SLC30A8: variants seen among roughly 807,000 people sequenced by gnomAD.
SLC30A8 encodes the protein solute carrier family 30 member 8, also known as proton-coupled zinc antiporter SLC30A8.
Under a neutral mutation model 36.9 loss-of-function variants are expected in SLC30A8, and 27 were observed. The observed-to-expected ratio is 0.73, with a 90% CI of 0.54 to 1.01. The LOEUF is 1.01. SLC30A8 is among the 50% of genes least tolerant of loss of function. The pLI is 0.00. For missense variants in SLC30A8, 439 were observed against 452.0 expected (o/e 0.97, Z 0.26); for synonymous variants, 164 against 172.4 (o/e 0.95, Z 0.38).
intron 2 of SLC30A8, among the ~76,000 whole-genome samples, chr8:117,126,016 C>T (rs1586556586): frequency 1.3e-5 from 2 of 151,984 alleles, no homozygotes; most frequent in Non-Finnish European, 2.9e-5. Flanking sequence ...CTTCTCCTCT[C>T]TCTAGCTGTG....
intron 2 of SLC30A8, among the ~76,000 whole-genome samples, chr8:117,078,663 G>A (rs187834251): frequency 6.6e-6 from 1 of 152,212 alleles, no homozygotes; most frequent in Admixed American, 6.5e-5. Flanking sequence ...CACATCAAAA[G>A]GTTTAAGTAA....
chr8:117,119,547 CTCT>C (rs748762867), intron 2 of SLC30A8, among the ~76,000 whole-genome samples: 7 of 152,020 alleles, frequency 4.6e-5, no homozygotes, highest in Non-Finnish European at 1.0e-4. Flanking sequence ...CCTTCAGTCA[CTCT>C]TCTTTTGTGC....
chr8:117,134,651 C>T (rs764545734), upstream of SLC30A8, among the ~76,000 whole-genome samples: 137 of 151,958 alleles, frequency 9.0e-4, 1 homozygote, highest in Admixed American at 4.6e-4. Flanking sequence ...CTGTTATTTA[C>T]GTAGAAGCAG....
intron 3 of SLC30A8, 149 bp downstream of exon 3, chr8:117,153,239 ATG>A (rs1476391888): frequency 2.3e-5 from 17 of 730,654 alleles, no homozygotes; most frequent in African/African-American, 3.5e-5. Flanking sequence ...GTATGTGGGA[ATG>A]TGTGTTTTCA....
intron 7 of SLC30A8, among the ~76,000 whole-genome samples, chr8:117,172,122 C>T (rs772989164): frequency 1.3e-5 from 2 of 152,214 alleles, no homozygotes; most frequent in African/African-American, 2.4e-5. Context: ...GAGCTCTAAA[C>T]GCTTCCTGGT....
intron 1 of SLC30A8, among the ~76,000 whole-genome samples, chr8:116,976,814 CTTTCTTTCTT>C (rs1815035151): frequency 7.2e-6 from 1 of 138,162 alleles, no homozygotes; most frequent in South Asian, 2.2e-4. Context: ...TTCTTTCTTT[CTTTCTTTCTT>C]TTTTTTTTTT....
At chr8:117,139,836 A>G (rs551594624) in intron 1 of SLC30A8, among the ~76,000 whole-genome samples, 2 of 150,790 alleles carry the variant, frequency 1.3e-5, no homozygotes, top group South Asian at 4.2e-4. Context: ...CTGCGCATGC[A>G]GGGAAAGTCA....
chr8:117,102,663 T>A (rs1241443860), intron 2 of SLC30A8, among the ~76,000 whole-genome samples: 1 of 152,212 alleles, frequency 6.6e-6, no homozygotes, highest in African/African-American at 2.4e-5. Context: ...TGGCAATCTT[T>A]GGCATTCCTT....
intron 2 of SLC30A8, among the ~76,000 whole-genome samples, chr8:117,050,382 G>C (rs1337636131): frequency 6.6e-6 from 1 of 151,614 alleles, no homozygotes; most frequent in African/African-American, 2.4e-5. Context: ...CTGATTTCGG[G>C]GTTCTTCTTC....
At chr8:116,976,814 CTT>C (rs1318367363) in intron 1 of SLC30A8, among the ~76,000 whole-genome samples, 1 of 138,162 alleles carries the variant, frequency 7.2e-6, no homozygotes, top group Non-Finnish European at 1.5e-5. Flanking sequence ...TTCTTTCTTT[CTT>C]TCTTTCTTTT....
intron 6 of SLC30A8, among the ~76,000 whole-genome samples, chr8:117,165,475 C>T (rs1484777331): frequency 1.3e-5 from 2 of 152,160 alleles, no homozygotes; most frequent in Non-Finnish European, 2.9e-5. Context: ...TCAGAAAGGC[C>T]AGATAAGAGA....
At chr8:116,996,798 A>G (rs1220167845) in intron 1 of SLC30A8, among the ~76,000 whole-genome samples, 1 of 152,168 alleles carries the variant, frequency 6.6e-6, no homozygotes, top group East Asian at 1.9e-4. Context: ...GCATGTATAT[A>G]TGGCTCCTAC....
At chr8:117,065,971 G>T (rs759412675) in intron 2 of SLC30A8, among the ~76,000 whole-genome samples, 3 of 152,108 alleles carry the variant, frequency 2.0e-5, no homozygotes, top group Non-Finnish European at 4.4e-5. Context: ...TGCCACAGAT[G>T]GATCCCATGG....
At chr8:116,963,745 CCTGT>C (rs1162305381) in intron 1 of SLC30A8, among the ~76,000 whole-genome samples, 1 of 152,148 alleles carries the variant, frequency 6.6e-6, no homozygotes, top group Admixed American at 6.5e-5. Flanking sequence ...CATTTGAACA[CCTGT>C]TTTCATTGCT....
intron 1 of SLC30A8, among the ~76,000 whole-genome samples, chr8:116,987,065 G>A (rs4876692): frequency 0.99 from 150,656 of 152,236 alleles, 74,578 homozygotes; most frequent in Non-Finnish European, 1. Flanking sequence ...ACATTGGTAT[G>A]GAAGAAAAAT....
intron 1 of SLC30A8, among the ~76,000 whole-genome samples, chr8:117,012,188 AG>A: frequency 6.6e-6 from 1 of 152,272 alleles, no homozygotes; most frequent in South Asian, 2.1e-4. Flanking sequence ...TAAAATTTGA[AG>A]AGTATATACA....
intron 2 of SLC30A8, among the ~76,000 whole-genome samples, chr8:117,056,917 A>G (rs1182019086): frequency 1.3e-5 from 2 of 152,190 alleles, no homozygotes; most frequent in Non-Finnish European, 2.9e-5. Context: ...GAGTTTCACT[A>G]GTAATACTGA....
intron 2 of SLC30A8, among the ~76,000 whole-genome samples, chr8:117,105,422 CAA>C (rs1389240097): frequency 6.6e-6 from 1 of 152,094 alleles, no homozygotes; most frequent in African/African-American, 2.4e-5. Flanking sequence ...CGAGGGCTCT[CAA>C]GAGAAACGAA....
At chr8:117,004,555 G>A (rs576089731) in intron 1 of SLC30A8, among the ~76,000 whole-genome samples, 4 of 152,138 alleles carry the variant, frequency 2.6e-5, no homozygotes, top group South Asian at 2.1e-4. Context: ...ACTCCTTCTC[G>A]GAGGATAATT....
Sources: allele counts gnomAD v4.1 joint callset (sites outside exome capture counted in the v4.1 genomes callset), GRCh38; gene constraint gnomAD v4.1.1; transcripts MANE v1.5; gene names NCBI Gene and HGNC (gene_info 2026-07-23, HGNC 2026-07-21).